NUMB: variants seen among roughly 807,000 people sequenced by gnomAD.
NUMB encodes protein numb homolog.
A neutral mutation model predicts 59.7 loss-of-function variants in NUMB; 29 were observed. The ratio of observed to expected loss-of-function variants is 0.49; its 90% CI spans 0.36 to 0.66. The LOEUF (loss-of-function observed/expected upper bound fraction) is 0.66. NUMB is among the 30% of genes least tolerant of loss of function. NUMB has a pLI of 0.00. For missense variants in NUMB, 723 were observed against 822.0 expected (o/e 0.88, Z 1.47); for synonymous variants, 288 against 288.2 (o/e 1.00, Z 0.01).
intron 1 of NUMB, among the ~76,000 whole-genome samples, chr14:73,418,526 C>CTTT (rs1340365008): frequency 6.6e-6 from 1 of 151,898 alleles, no homozygotes; most frequent in East Asian, 1.9e-4. Flanking sequence ...AATCCCAGCG[C>CTTT]TTTGGGAGGC....
intron 1 of NUMB, among the ~76,000 whole-genome samples, chr14:73,415,335 T>C (rs746227872): frequency 2.0e-4 from 31 of 152,140 alleles, no homozygotes; most frequent in Non-Finnish European, 4.3e-4. Flanking sequence ...GAAAACACCT[T>C]ACATGTTATT....
intron 6 of NUMB, among the ~76,000 whole-genome samples, chr14:73,304,898 T>C (rs1188749444): frequency 6.6e-6 from 1 of 152,066 alleles, no homozygotes; most frequent in Non-Finnish European, 1.5e-5. Flanking sequence ...ATGGCTGGGA[T>C]TACAGGTGCC....
At chr14:73,457,479 C>T (rs1884466750) in intron 1 of NUMB, 1 of 152,186 alleles carries the variant, frequency 6.6e-6, no homozygotes, top group Non-Finnish European at 1.5e-5. Flanking sequence ...TAGCCAGTTC[C>T]ACGAAACCAT....
chr14:73,411,436 AG>A (rs1896892223), intron 1 of NUMB, among the ~76,000 whole-genome samples: 2 of 152,208 alleles, frequency 1.3e-5, no homozygotes, highest in South Asian at 4.1e-4. Context: ...CCAATCCAAA[AG>A]GTGAAAATGT....
intron 4 of NUMB, among the ~76,000 whole-genome samples, chr14:73,333,606 G>T (rs1346003381): frequency 2.0e-5 from 3 of 151,648 alleles, no homozygotes; most frequent in Admixed American, 1.3e-4. Context: ...AGATATAAAG[G>T]TTCTTTATAT....
chr14:73,451,165 AAAAAAAAAAC>A (rs1316520120), intron 1 of NUMB, among the ~76,000 whole-genome samples: 15 of 146,784 alleles, frequency 1.0e-4, no homozygotes, highest in Admixed American at 1.3e-4. Flanking sequence ...AAAAAAAAAA[AAAAAAAAAAC>A]AAAAAACAAA....
chr14:73,358,721 T>C (rs1287743973), intron 3 of NUMB, among the ~76,000 whole-genome samples: 2 of 151,990 alleles, frequency 1.3e-5, no homozygotes, highest in African/African-American at 2.4e-5. Context: ...ATCAACCTTA[T>C]AGTAATTTCC....
chr14:73,433,728 C>T (rs17127426), intron 1 of NUMB, among the ~76,000 whole-genome samples: 9,262 of 152,108 alleles, frequency 0.061, 726 homozygotes, highest in African/African-American at 0.17. Context: ...ATAAATCACC[C>T]CTGAAATATA....
intron 2 of NUMB, among the ~76,000 whole-genome samples, chr14:73,368,485 A>C (rs1174494880): frequency 6.6e-6 from 1 of 152,096 alleles, no homozygotes; most frequent in Admixed American, 6.6e-5. Flanking sequence ...CGGGAGGCTG[A>C]GGCAGGAGAA....
At chr14:73,400,735 G>C (rs1896371270) in intron 2 of NUMB, among the ~76,000 whole-genome samples, 1 of 152,174 alleles carries the variant, frequency 6.6e-6, no homozygotes, top group African/African-American at 2.4e-5. Flanking sequence ...CCTATGTAAT[G>C]AGGCTTCCAT....
intron 4 of NUMB, among the ~76,000 whole-genome samples, chr14:73,331,514 C>T (rs1192003853): frequency 6.6e-6 from 1 of 152,098 alleles, no homozygotes; most frequent in East Asian, 1.9e-4. Flanking sequence ...TGCCACTGCA[C>T]TCCAGCCTGG....
chr14:73,424,135 A>G (rs1256562660), intron 1 of NUMB, among the ~76,000 whole-genome samples: 3 of 152,138 alleles, frequency 2.0e-5, no homozygotes, highest in African/African-American at 4.8e-5. Context: ...CTCTCTATAT[A>G]TAGAATCTCA....
At chr14:73,377,553 T>C (rs920862355) in intron 2 of NUMB, among the ~76,000 whole-genome samples, 3 of 152,126 alleles carry the variant, frequency 2.0e-5, no homozygotes, top group African/African-American at 4.8e-5. Flanking sequence ...GGCAGAAGAA[T>C]CACTTGAACC....
intron 2 of NUMB, among the ~76,000 whole-genome samples, chr14:73,402,355 C>T (rs1896459072): frequency 6.6e-6 from 1 of 152,082 alleles, no homozygotes; most frequent in South Asian, 2.1e-4. Flanking sequence ...AAAATAATAA[C>T]TAAAAATAGC....
intron 4 of NUMB, 128 bp downstream of exon 4, chr14:73,355,498 T>C (rs1017713777): frequency 7.2e-6 from 5 of 691,624 alleles, no homozygotes; most frequent in African/African-American, 3.7e-5. Flanking sequence ...AATTCTATCA[T>C]TGAAGCAGAA....
intron 11 of NUMB, 83 bp downstream of exon 11, chr14:73,282,276 G>T: frequency 7.0e-7 from 1 of 1,428,012 alleles, no homozygotes; most frequent in South Asian, 1.3e-5. Flanking sequence ...GGGAAGCTCA[G>T]GATGCCAACT....
intron 2 of NUMB, among the ~76,000 whole-genome samples, chr14:73,377,994 TACACACAC>T (rs61489875): frequency 1.0e-4 from 15 of 146,614 alleles, no homozygotes; most frequent in South Asian, 2.2e-4. Flanking sequence ...TATATACACA[TACACACAC>T]ACACACACAC....
intron 2 of NUMB, among the ~76,000 whole-genome samples, chr14:73,375,253 TAATC>T (rs1413815959): frequency 2.0e-4 from 30 of 152,234 alleles, no homozygotes; most frequent in African/African-American, 5.5e-4. Context: ...AATTTTATAA[TAATC>T]ACAGATAACA....
In NUMB at chr14:73,292,760, G is replaced by A; in HGVS notation, c.424C>T (p.His142Tyr). The change falls in exon 8 of 13, where the codon CAC becomes TAC. Residue 142 changes from histidine (H) to tyrosine (Y), a missense_variant. Around this residue, in one of 2 missense-constraint regions of NUMB, gnomAD observed 317 missense variants for 436.6 expected, o/e 0.73. Coordinates refer to ENST00000555238, the MANE Select transcript of NUMB (RefSeq NM_001005743.2). ...RDGTTRRWICHCFMAVKDTGE... is the reference protein window; with the variant it reads ...RDGTTRRWICYCFMAVKDTGE... ...GTGTCCTTGACAGCCATGAAGCAGT[G>A]ACAGATCCAGCGACGAGTGGTGCCA... 6.2e-7 allele frequency: 1 copy of A among 1,614,220 alleles called. No homozygotes were observed. Among genetic ancestry groups the A allele is most frequent in the Non-Finnish European group, 8.5e-7 (1 of 1,180,034 alleles).
Sources: allele counts gnomAD v4.1 joint callset (sites outside exome capture counted in the v4.1 genomes callset), GRCh38; gene constraint gnomAD v4.1.1; regional missense constraint gnomAD v4.1.1; transcripts MANE v1.5; gene names NCBI Gene and HGNC (gene_info 2026-07-23, HGNC 2026-07-21).